The following MAB21L4 variants were observed in gnomAD, a reference collection of about 807,000 sequenced individuals.
MAB21L4 encodes mab-21 like 4, also known as protein mab-21-like 4.
A neutral mutation model predicts 32.4 loss-of-function variants in MAB21L4; 25 were observed. The ratio of observed to expected loss-of-function variants is 0.77; its 90% CI spans 0.56 to 1.08. The LOEUF (loss-of-function observed/expected upper bound fraction) is 1.08, where lower values mean the gene tolerates loss of function less well. Ranked by LOEUF, MAB21L4 falls within the 50% of genes least tolerant of loss-of-function variation. The pLI is 0.00. For missense variants in MAB21L4, 638 were observed against 611.0 expected, an observed-to-expected ratio of 1.04 and a Z score of -0.47; for synonymous variants, 280 against 276.8, an observed-to-expected ratio of 1.01 and a Z score of -0.11.
Position 240,886,888 on chromosome 2 carries a change from G to A in MAB21L4, c.*182C>T, listed in dbSNP as rs1278386248. 1 of 561,582 alleles carries A rather than the reference G, an allele frequency of 1.8e-6. No individual in the cohort carries two copies. Among genetic ancestry groups the A allele is most frequent in the Non-Finnish European group, 3.2e-6 (1 of 316,840 alleles). The allele number at this position is 561,582 out of a possible 1,614,324, so 34.8% of individuals were successfully genotyped here. On this transcript the variant is annotated 3_prime_UTR_variant, in exon 5 of 5. Coordinates refer to ENST00000388934, the MANE Select transcript of MAB21L4 (RefSeq NM_001085437.3). ...ACCCAGGGAGGAGGTGCTCCAAGAG[G>A]CCTGCCCTGCCCCACCAGGCACTGA...
intron 2 of MAB21L4, 109 bp downstream of exon 2, chr2:240,891,429 C>A (rs2059147884): frequency 2.0e-6 from 2 of 1,018,656 alleles, no homozygotes; most frequent in South Asian, 1.6e-5. Flanking sequence ...GGGGCAGAGG[C>A]AGACGGAGGA....
At chr2:240,889,874 G>A (rs920830780) in intron 3 of MAB21L4, 131 bp downstream of exon 3, 56 of 1,129,352 alleles carry the variant, frequency 5.0e-5, no homozygotes, top group Non-Finnish European at 4.4e-5. Flanking sequence ...CAGGCCCTCA[G>A]AATCCCCCCA....
In MAB21L4 at chr2:240,886,080, C is replaced by G. The variant is rs2059091974; in HGVS notation, c.*990G>C. On this transcript the variant is annotated 3_prime_UTR_variant, in exon 5 of 5. Transcript: ENST00000388934. ...TAAAGAGGTTTAATTGACTCACAGT[C>G]CCGCAGGCTATACAGGAAGCATGGC... 1 of 153,152 alleles carries G rather than the reference C, an allele frequency of 6.5e-6. No individual in the cohort carries two copies. Among genetic ancestry groups the G allele is most frequent in the Non-Finnish European group, 1.5e-5 (1 of 68,844 alleles). 9.5% of individuals were successfully genotyped at this position (153,152 alleles called of 1,614,324 possible). A position where few individuals can be genotyped will look rare whatever the true frequency, so the allele number is the denominator to read the frequency against.
upstream of MAB21L4, chr2:240,896,836 T>C (rs1159466052): frequency 7.0e-6 from 1 of 142,780 alleles, no homozygotes; most frequent in African/African-American, 2.6e-5. Flanking sequence ...GCTCGTCTGG[T>C]TCTGGAGAAA....
At chr2:240,891,833 C>T (rs1463812703) in intron 1 of MAB21L4, 70 bp from the exon 2 acceptor site, 4 of 1,598,710 alleles carry the variant, frequency 2.5e-6, no homozygotes, top group South Asian at 2.2e-5. Flanking sequence ...CAGCCCTCCT[C>T]CTGCTGCCAA....
At chr2:240,893,393 A>C (rs1010483375) in intron 1 of MAB21L4, among the ~76,000 whole-genome samples, 1 of 152,200 alleles carries the variant, frequency 6.6e-6, no homozygotes, top group Non-Finnish European at 1.5e-5. Context: ...CCATCAATGA[A>C]AGAGAAGGAG....
rs751593943 is a variant in MAB21L4 at position 240,888,616 on chromosome 2, C to T, written c.927G>A (p.Leu309=). ...MVLLWASVLF[L]APEDWAELQG... ...GCAGTTCTGCCCAGTCCTCGGGCGC[C>T]AGGAAGAGCACAGAGGCCCACAGCA... Residue 309 remains leucine (L), a synonymous_variant, in exon 4 of 5, where the codon CTG becomes CTA. Coordinates refer to ENST00000388934, the MANE Select transcript of MAB21L4 (RefSeq NM_001085437.3). 5.1e-5 allele frequency: 81 copies of T among 1,597,278 alleles called. No homozygotes were observed. In the Middle Eastern group the frequency reaches 1.0e-3, roughly 20 times the overall value.
Position 240,895,715 on chromosome 2 carries a change from C to G in MAB21L4, c.283G>C (p.Glu95Gln), listed in dbSNP as rs779029413. Reference sequence around the variant, plus strand: ...TCCGGCTGGGTGGCCTCTGGTTCCTCAATCAGTAGAGCCTCGGCATCCACC... The same window carrying G: ...TCCGGCTGGGTGGCCTCTGGTTCCTGAATCAGTAGAGCCTCGGCATCCACC... ...LWVDAEALLIEEPEATQPEDG... is the reference protein window; with the variant it reads ...LWVDAEALLIQEPEATQPEDG... Residue 95 changes from glutamate (E) to glutamine (Q), a missense_variant, in exon 1 of 5, where the codon GAG (glutamate) becomes CAG (glutamine). By Grantham distance (29) the Glu-to-Gln change is conservative. Transcript: ENST00000388934. The G allele has an allele frequency of 3.1e-6, 5 of 1,612,950 alleles. No homozygotes were observed. In the South Asian group the frequency reaches 5.5e-5, roughly 18 times the overall value.
At chr2:240,891,794 G>T in intron 1 of MAB21L4, 31 bp from the exon 2 acceptor site, 1 of 1,602,778 alleles carries the variant, frequency 6.2e-7, no homozygotes, top group Non-Finnish European at 8.5e-7. Flanking sequence ...CCGGCCCCTC[G>T]ACTTGCCTCA....
At chr2:240,891,941 C>G in intron 1 of MAB21L4, 178 bp from the exon 2 acceptor site, 1 of 1,564,920 alleles carries the variant, frequency 6.4e-7, no homozygotes, top group Non-Finnish European at 8.7e-7. Flanking sequence ...TGTGTCCATC[C>G]CTGGACCTCA....
chr2:240,892,354 CT>C (rs1176213926), intron 1 of MAB21L4, among the ~76,000 whole-genome samples: 1 of 151,698 alleles, frequency 6.6e-6, no homozygotes, highest in Admixed American at 6.6e-5. Flanking sequence ...CCCCTGCCCC[CT>C]GCCCCCTGCC....
chr2:240,887,271 C>A (rs758741790), intron 4 of MAB21L4, 109 bp from the exon 5 acceptor site: 12 of 868,248 alleles, frequency 1.4e-5, no homozygotes, highest in Non-Finnish European at 2.0e-5. Context: ...CTGGGCCATG[C>A]CGGGCCTTCC....
chr2:240,896,084 G>A lies in MAB21L4; in HGVS notation c.-87C>T. On this transcript the variant is annotated 5_prime_UTR_variant, in exon 1 of 5. Coordinates refer to ENST00000388934, the MANE Select transcript of MAB21L4 (RefSeq NM_001085437.3). The stretch of plus-strand genomic sequence containing the variant: ...GCAGATGGGCTGTGAGGAGGCACCT[G>A]CCCAGGTGAGCAGCAGGTCTGCAGG... 2 of 1,378,320 alleles carry A rather than the reference G, an allele frequency of 1.5e-6. No homozygotes were observed. Among genetic ancestry groups the A allele is most frequent in the Non-Finnish European group, 9.3e-7 (1 of 1,074,296 alleles). 85.4% of individuals were successfully genotyped at this position (1,378,320 alleles called of 1,614,324 possible).
At position 240,895,930 on chromosome 2, in the gene MAB21L4, T is replaced by C. The variant is rs1167826458; in HGVS notation, c.68A>G (p.Gln23Arg). Residue 23 changes from glutamine (Q) to arginine (R), a missense_variant, in exon 1 of 5, where the codon CAG becomes CGG. By Grantham distance (43) the Gln-to-Arg change is conservative (BLOSUM62 1). Transcript: ENST00000388934. ...CGGCGCCTCCCGGGACCGGATGGCC[T>C]GCAGGTAGTGGTGCCACAGGGGCAC... The part of the protein sequence containing the change: ...VQVPLWHHYL[Q>R]AIRSREAPRA... 2 of 1,500,904 alleles carry C rather than the reference T, an allele frequency of 1.3e-6. No individual in the cohort carries two copies. The highest frequency in any genetic ancestry group is 4.6e-5 in the East Asian group (2 of 43,076). 93.0% of individuals were successfully genotyped at this position (1,500,904 alleles called of 1,614,324 possible). A position where few individuals can be genotyped will look rare whatever the true frequency, so the allele number is the denominator to read the frequency against.
At chr2:240,890,215 G>A (rs1025187791) in intron 2 of MAB21L4, 57 bp from the exon 3 acceptor site, 6 of 1,551,694 alleles carry the variant, frequency 3.9e-6, no homozygotes, top group African/African-American at 1.4e-5. Context: ...CCCCAGCATG[G>A]GGAGCTTCTG....
At chr2:240,894,847 G>C (rs1314605914) in intron 1 of MAB21L4, among the ~76,000 whole-genome samples, 1 of 152,096 alleles carries the variant, frequency 6.6e-6, no homozygotes, top group Non-Finnish European at 1.5e-5. Flanking sequence ...GCCAGCCCCT[G>C]GTCCACGCAG....
chr2:240,895,437 C>T, intron 1 of MAB21L4, 47 bp downstream of exon 1: 2 of 1,460,972 alleles, frequency 1.4e-6, no homozygotes, highest in South Asian at 1.4e-5. Flanking sequence ...CACACAGCAG[C>T]CCCTCGGTAC....
rs1362108423 is a variant in MAB21L4 at position 240,895,931 on chromosome 2, G to A, written c.67C>T (p.Gln23Ter). 1 of 1,499,726 alleles carries A rather than the reference G, an allele frequency of 6.7e-7. No homozygotes were observed. The highest frequency in any genetic ancestry group is 2.3e-5 in the Admixed American group (1 of 44,216). 92.9% of individuals were successfully genotyped at this position (1,499,726 alleles called of 1,614,324 possible). A position where few individuals can be genotyped will look rare whatever the true frequency, so the allele number is the denominator to read the frequency against. Residue 23 changes from glutamine (Q) to a stop codon, truncating the protein, a stop_gained, in exon 1 of 5, where the codon CAG becomes TAG. Coordinates refer to ENST00000388934, the MANE Select transcript of MAB21L4 (RefSeq NM_001085437.3). LOFTEE classifies it high-confidence loss of function. ...VQVPLWHHYL[Q>*]AIRSREAPRA... ...GGCGCCTCCCGGGACCGGATGGCCT[G>A]CAGGTAGTGGTGCCACAGGGGCACC...
At position 240,896,142 on chromosome 2, in the gene MAB21L4, G is replaced by T; in HGVS notation, c.-145C>A. ...TCAGCTCCCACACAGCAGAATTCCA[G>T]AGTGACAGCACAGTGTGGCAGGTGA... On this transcript the variant is annotated 5_prime_UTR_variant, in exon 1 of 5. The change creates a new upstream start codon in the 5' untranslated region. Coordinates refer to ENST00000388934, the MANE Select transcript of MAB21L4 (RefSeq NM_001085437.3). 7.4e-7 allele frequency: 1 copy of T among 1,354,550 alleles called. No individual in the cohort carries two copies. 83.9% of individuals were successfully genotyped at this position (1,354,550 alleles called of 1,614,324 possible).
Sources: allele counts gnomAD v4.1 joint callset (sites outside exome capture counted in the v4.1 genomes callset), GRCh38; gene constraint gnomAD v4.1.1; transcripts MANE v1.5; gene names NCBI Gene and HGNC (gene_info 2026-07-23, HGNC 2026-07-21).